Variants in RB1 observed in about 807,000 individuals in gnomAD.
RB1 encodes RB transcriptional corepressor 1.
A neutral mutation model predicts 135.4 loss-of-function variants in RB1; 18 were observed. The ratio of observed to expected loss-of-function variants is 0.13; its 90% CI spans 0.09 to 0.20. The LOEUF (loss-of-function observed/expected upper bound fraction) is 0.20. Among genes scored for constraint, RB1 ranks in the 10% least tolerant of loss-of-function variants. RB1 has a pLI of 1.00. For missense variants in RB1, 868 were observed against 1,110.0 expected, an observed-to-expected ratio of 0.78 and a Z score of 3.10; for synonymous variants, 365 against 373.2, an observed-to-expected ratio of 0.98 and a Z score of 0.25.
chr13:48,369,176 T>C (rs769515353), intron 11 of RB1, among the ~76,000 whole-genome samples: 1 of 152,232 alleles, frequency 6.6e-6, no homozygotes, highest in African/African-American at 2.4e-5. Flanking sequence ...CTATTTGATC[T>C]GCATGCAACC....
chr13:48,404,615 C>T (rs1948723591), intron 17 of RB1, among the ~76,000 whole-genome samples: 1 of 151,922 alleles, frequency 6.6e-6, no homozygotes, highest in East Asian at 1.9e-4. Context: ...CAACCGCTGC[C>T]TCCTAGGTTC....
Position 48,345,504 on chromosome 13 carries a change from G to T in RB1, c.500+305G>T, listed in dbSNP as rs4151460. ...AAAACTTCTAGTTCTGAATAGAATGGTGACATAAATTTAAACTTCTTCCTA... is the reference window on the plus strand; with the variant it reads ...AAAACTTCTAGTTCTGAATAGAATGTTGACATAAATTTAAACTTCTTCCTA... On this transcript the variant is annotated intron_variant, in intron 4 of 26. Transcript: ENST00000267163. 0.03 allele frequency among the ~76,000 whole-genome samples: 4,602 copies of T among 152,158 alleles called. 225 individuals carry two copies. Among genetic ancestry groups the T allele is most frequent in the African/African-American group, 0.1 (4,157 of 41,508 alleles).
chr13:48,317,432 C>T, intron 2 of RB1: 1 of 389,558 alleles, frequency 2.6e-6, no homozygotes, highest in South Asian at 3.0e-5. Context: ...GTGTGGTCAG[C>T]CTGGGCTCCA....
intron 17 of RB1, among the ~76,000 whole-genome samples, chr13:48,435,780 G>A (rs1949177162): frequency 6.6e-6 from 1 of 152,074 alleles, no homozygotes; most frequent in Non-Finnish European, 1.5e-5. Flanking sequence ...CACCATGGAT[G>A]TTCAGTTGTT....
At chr13:48,417,826 G>A (rs1326402672) in intron 17 of RB1, among the ~76,000 whole-genome samples, 1 of 152,126 alleles carries the variant, frequency 6.6e-6, no homozygotes, top group African/African-American at 2.4e-5. Context: ...CAAGATTAGA[G>A]GAAAAAGAAT....
chr13:48,359,888 GA>G (rs1952623384), intron 6 of RB1, 128 bp from the exon 7 acceptor site: 2 of 1,232,374 alleles, frequency 1.6e-6, no homozygotes, highest in Non-Finnish European at 2.1e-6. Context: ...AAAAAAGAAA[GA>G]AAATCTTTAC....
At chr13:48,432,742 CGT>C (rs1314560542) in intron 17 of RB1, among the ~76,000 whole-genome samples, 1 of 151,420 alleles carries the variant, frequency 6.6e-6, no homozygotes, top group Non-Finnish European at 1.5e-5. Context: ...CTTGAGTAAG[CGT>C]ACAGGAATAT....
At chr13:48,350,012 A>G (rs1434452216) in intron 6 of RB1, among the ~76,000 whole-genome samples, 1 of 152,094 alleles carries the variant, frequency 6.6e-6, no homozygotes, top group African/African-American at 2.4e-5. Context: ...TATTTATGCA[A>G]CTAATACTGG....
intron 8 of RB1, among the ~76,000 whole-genome samples, chr13:48,364,600 C>T (rs1390846533): frequency 1.3e-5 from 2 of 152,002 alleles, no homozygotes; most frequent in Non-Finnish European, 1.5e-5. Flanking sequence ...CAAAAGTAAT[C>T]GATAGGTCTG....
chr13:48,379,393 A>G (rs1948511726), intron 13 of RB1, among the ~76,000 whole-genome samples: 1 of 152,064 alleles, frequency 6.6e-6, no homozygotes, highest in African/African-American at 2.4e-5. Flanking sequence ...AAAAAATTTT[A>G]GTAATTGTCA....
At chr13:48,318,413 C>T (rs1952204551) in intron 2 of RB1, 7 of 1,498,902 alleles carry the variant, frequency 4.7e-6, no homozygotes, top group African/African-American at 4.2e-5. Context: ...TGTCCAGGTC[C>T]TCGTCACTGT....
intron 17 of RB1, chr13:48,401,198 A>G (rs1948688918): frequency 6.6e-6 from 1 of 152,264 alleles, no homozygotes; most frequent in Middle Eastern, 3.4e-3. Flanking sequence ...AACCTGTGGG[A>G]TGGAAGCACA....
At chr13:48,338,814 A>G (rs181951280) in intron 2 of RB1, among the ~76,000 whole-genome samples, 7 of 151,992 alleles carry the variant, frequency 4.6e-5, no homozygotes, top group Admixed American at 6.5e-5. Flanking sequence ...GGTTTTATCT[A>G]CCTTTGGTCT....
At chr13:48,436,178 C>T (rs957163473) in intron 17 of RB1, among the ~76,000 whole-genome samples, 1 of 152,122 alleles carries the variant, frequency 6.6e-6, no homozygotes, top group Admixed American at 6.5e-5. Context: ...CATCTCATAG[C>T]TGGTTGGTGA....
At chr13:48,316,326 A>G (rs1593419519) in intron 2 of RB1, among the ~76,000 whole-genome samples, 2 of 141,770 alleles carry the variant, frequency 1.4e-5, no homozygotes, top group South Asian at 5.1e-4. Flanking sequence ...TTCCCGACGG[A>G]CACTTTGGGG....
intron 17 of RB1, among the ~76,000 whole-genome samples, chr13:48,405,843 G>T (rs1038213291): frequency 2.0e-5 from 3 of 151,900 alleles, no homozygotes; most frequent in African/African-American, 4.8e-5. Flanking sequence ...AAATAAGCAG[G>T]TATGCACGTT....
chr13:48,381,234 T>G lies in RB1; in HGVS notation c.1499-13T>G. 6.3e-7 allele frequency: 1 copy of G among 1,590,636 alleles called. No individual in the cohort carries two copies. On this transcript the variant is annotated splice_polypyrimidine_tract_variant and intron_variant, in intron 16 of 26. Coordinates refer to ENST00000267163, the MANE Select transcript of RB1 (RefSeq NM_000321.3). ...ATATTTCATAAATAGTTACTTTTTT[T>G]TTTCATTTTTAGGAAGTACATCTCA... is the stretch of plus-strand genomic sequence containing the variant.
At chr13:48,350,176 C>T (rs1952535510) in intron 6 of RB1, among the ~76,000 whole-genome samples, 1 of 152,088 alleles carries the variant, frequency 6.6e-6, no homozygotes, top group Non-Finnish European at 1.5e-5. Context: ...ACTTAATCTG[C>T]ACTATATAGA....
At chr13:48,402,468 C>T (rs1948701594) in intron 17 of RB1, among the ~76,000 whole-genome samples, 2 of 150,262 alleles carry the variant, frequency 1.3e-5, no homozygotes, top group East Asian at 3.9e-4. Flanking sequence ...GCCTTGAACT[C>T]TTGGGCTCAA....
Sources: allele counts gnomAD v4.1 joint callset (sites outside exome capture counted in the v4.1 genomes callset), GRCh38; gene constraint gnomAD v4.1.1; transcripts MANE v1.5; gene names NCBI Gene and HGNC (gene_info 2026-07-23, HGNC 2026-07-21).